The following DOCK3 variants were observed in gnomAD, a reference collection of about 807,000 sequenced individuals.
DOCK3 encodes dedicator of cytokinesis 3, also known as dedicator of cytokinesis protein 3.
Under a neutral mutation model 265.6 loss-of-function variants are expected in DOCK3, and 60 were observed. The ratio of observed to expected loss-of-function variants is 0.23; its 90% CI spans 0.18 to 0.28. DOCK3 has a LOEUF of 0.28. DOCK3 is among the 10% of genes least tolerant of loss of function. The pLI, the probability that DOCK3 is intolerant of heterozygous loss-of-function variation, is 1.00. For missense variants in DOCK3, 1,981 were observed against 2,594.3 expected (o/e 0.76, Z 5.14); for synonymous variants, 881 against 938.0 (o/e 0.94, Z 1.11).
At chr3:51,322,865 G>A (rs2083826904) in intron 32 of DOCK3, among the ~76,000 whole-genome samples, 2 of 151,944 alleles carry the variant, frequency 1.3e-5, no homozygotes, top group African/African-American at 2.4e-5. Flanking sequence ...GGCAAATTGG[G>A]TAAAGAGTCA....
chr3:50,772,158 G>A (rs1186648502), intron 1 of DOCK3, among the ~76,000 whole-genome samples: 1 of 152,202 alleles, frequency 6.6e-6, no homozygotes. Context: ...GGGTGAAACT[G>A]AAGATCATTA....
At chr3:50,798,149 GA>G (rs981398818) in intron 2 of DOCK3, among the ~76,000 whole-genome samples, 2 of 152,312 alleles carry the variant, frequency 1.3e-5, no homozygotes, top group Non-Finnish European at 2.9e-5. Context: ...TGCGAGGGGG[GA>G]AATATATCAA....
At chr3:51,038,932 T>C (rs1332796860) in intron 5 of DOCK3, among the ~76,000 whole-genome samples, 1 of 152,032 alleles carries the variant, frequency 6.6e-6, no homozygotes, top group African/African-American at 2.4e-5. Context: ...TTAATTTATA[T>C]AAAAGTTATT....
intron 27 of DOCK3, among the ~76,000 whole-genome samples, chr3:51,304,516 G>T (rs1426389007): frequency 6.6e-6 from 1 of 152,198 alleles, no homozygotes; most frequent in Non-Finnish European, 1.5e-5. Context: ...CACTTGGGGG[G>T]AACTCAGTTG....
chr3:50,867,076 T>G (rs2047179542), intron 3 of DOCK3, among the ~76,000 whole-genome samples: 6 of 152,184 alleles, frequency 3.9e-5, no homozygotes, highest in Admixed American at 3.9e-4. Flanking sequence ...ACATGGAATG[T>G]TTTTTATTTT....
At chr3:50,766,013 T>C (rs939181281) in intron 1 of DOCK3, among the ~76,000 whole-genome samples, 3 of 152,048 alleles carry the variant, frequency 2.0e-5, no homozygotes, top group Non-Finnish European at 4.4e-5. Context: ...ATGAGTGAAA[T>C]AATAAGGTAT....
At chr3:51,164,704 G>T (rs1261460674) in intron 12 of DOCK3, among the ~76,000 whole-genome samples, 1 of 151,618 alleles carries the variant, frequency 6.6e-6, no homozygotes, top group Non-Finnish European at 1.5e-5. Flanking sequence ...ATATCAAGTG[G>T]CATACACCTA....
At position 51,278,151 on chromosome 3, in the gene DOCK3, T is replaced by C. The variant is rs546873859; in HGVS notation, c.2823+397T>C. 3 of 985,462 alleles carry C rather than the reference T, an allele frequency of 3.0e-6. No individual in the cohort carries two copies. The South Asian group carries it at 1.4e-4, about 46-fold the overall frequency. The allele number at this position is 985,462 out of a possible 1,614,324, so 61.0% of individuals were successfully genotyped here. A position where few individuals can be genotyped will look rare whatever the true frequency, so the allele number is the denominator to read the frequency against. ...AATGATGTACAGGACAGAATAATTT[T>C]CTCAGAATTGGCTTCTATCTACAAA... is the stretch of plus-strand genomic sequence containing the variant. On this transcript the variant is annotated intron_variant, in intron 26 of 52. Coordinates refer to ENST00000266037, the MANE Select transcript of DOCK3 (RefSeq NM_004947.5).
At chr3:51,092,231 C>G (rs4639008) in intron 9 of DOCK3, among the ~76,000 whole-genome samples, 74,847 of 151,998 alleles carry the variant, frequency 0.49, 18,735 homozygotes, top group African/African-American at 0.52. Flanking sequence ...GGTCCCACCC[C>G]CATGGAGCCC....
intron 2 of DOCK3, among the ~76,000 whole-genome samples, chr3:50,828,302 A>G (rs2044897838): frequency 6.6e-6 from 1 of 152,168 alleles, no homozygotes; most frequent in Non-Finnish European, 1.5e-5. Context: ...TGAACTTTAC[A>G]ATGATTTAAC....
intron 2 of DOCK3, among the ~76,000 whole-genome samples, chr3:50,796,500 G>A (rs1007133469): frequency 3.3e-5 from 5 of 151,860 alleles, no homozygotes; most frequent in Admixed American, 6.6e-5. Flanking sequence ...CACCACGCTC[G>A]GCTAATTTTG....
At chr3:50,968,553 A>ATT (rs749920591) in intron 5 of DOCK3, among the ~76,000 whole-genome samples, 71 of 139,370 alleles carry the variant, frequency 5.1e-4, no homozygotes, top group Admixed American at 3.1e-3. Context: ...TATGATTTCA[A>ATT]TTTTTTTTTT....
chr3:51,214,979 AG>A (rs1417296336), intron 14 of DOCK3, among the ~76,000 whole-genome samples: 29 of 152,214 alleles, frequency 1.9e-4, no homozygotes. Context: ...GAAAGGGTAG[AG>A]GCATGGTTCA....
intron 12 of DOCK3, among the ~76,000 whole-genome samples, chr3:51,167,386 CT>C (rs1379787968): frequency 6.6e-6 from 1 of 152,140 alleles, no homozygotes; most frequent in Non-Finnish European, 1.5e-5. Context: ...TGTGATGCCC[CT>C]AGCTTTGTCC....
chr3:51,227,941 G>A, intron 16 of DOCK3, 41 bp from the exon 17 acceptor site: 1 of 1,595,966 alleles, frequency 6.3e-7, no homozygotes, highest in Non-Finnish European at 8.6e-7. Flanking sequence ...AGGAAGCAGA[G>A]TGGAAGGCAA....
chr3:50,675,223 C>A lies in DOCK3; in HGVS notation c.-41C>A. The A allele has an allele frequency of 8.8e-7, 1 of 1,135,040 alleles. No homozygotes were observed. The highest frequency in any genetic ancestry group is 1.1e-6 in the Non-Finnish European group (1 of 921,006). The allele number at this position is 1,135,040 out of a possible 1,614,324, so 70.3% of individuals were successfully genotyped here. On this transcript the variant is annotated 5_prime_UTR_variant, in exon 1 of 53. Coordinates refer to ENST00000266037, the MANE Select transcript of DOCK3 (RefSeq NM_004947.5). This position sits in a 1 kb window ranked among gnomAD's most constrained non-coding sequence, Gnocchi z 6.1. ...CCCGCGGCCGTCCCCGCCGCGTTGT[C>A]GCCCGGTCGCCGCGCCCGCGGGGCC...
At chr3:51,292,662 C>A (rs1195600983) in intron 27 of DOCK3, among the ~76,000 whole-genome samples, 1 of 151,998 alleles carries the variant, frequency 6.6e-6, no homozygotes, top group Non-Finnish European at 1.5e-5. Context: ...TTTTAAAAAA[C>A]AAAATACTTA....
intron 1 of DOCK3, among the ~76,000 whole-genome samples, chr3:50,775,956 T>C (rs1044704230): frequency 2.0e-5 from 3 of 152,210 alleles, no homozygotes; most frequent in African/African-American, 7.2e-5. Context: ...ATGGTGTATA[T>C]TTACCACATT....
At chr3:51,278,324 C>A in intron 26 of DOCK3, 1 of 985,334 alleles carries the variant, frequency 1.0e-6, no homozygotes, top group Non-Finnish European at 1.2e-6. Flanking sequence ...TCAGGAGGGG[C>A]AGAGAGACAA....
Sources: allele counts gnomAD v4.1 joint callset (sites outside exome capture counted in the v4.1 genomes callset), GRCh38; gene constraint gnomAD v4.1.1; non-coding constraint Gnocchi (gnomAD v3.1); transcripts MANE v1.5; gene names NCBI Gene and HGNC (gene_info 2026-07-23, HGNC 2026-07-21).